SMAD9: variants seen among roughly 807,000 people sequenced by gnomAD.
The protein encoded by SMAD9 is SMAD family member 9, also known as MAD homolog 9.
Under a neutral mutation model 46.1 loss-of-function variants are expected in SMAD9, and 36 were observed. The ratio of observed to expected loss-of-function variants is 0.78; its 90% CI spans 0.60 to 1.03. The LOEUF (loss-of-function observed/expected upper bound fraction) is 1.03, where lower values mean the gene tolerates loss of function less well. Ranked by LOEUF, SMAD9 falls within the 50% of genes least tolerant of loss-of-function variation. The pLI is 0.00. For missense variants in SMAD9, 572 were observed against 599.8 expected (o/e 0.95, Z 0.48); for synonymous variants, 245 against 237.1 (o/e 1.03, Z -0.31).
intron 1 of SMAD9, among the ~76,000 whole-genome samples, chr13:36,891,428 A>G (rs1352666735): frequency 1.3e-5 from 2 of 152,242 alleles, no homozygotes; most frequent in Non-Finnish European, 2.9e-5. Context: ...AGAGTCTTAA[A>G]CATGTAATAA....
intron 5 of SMAD9, among the ~76,000 whole-genome samples, chr13:36,854,140 C>T (rs1300073171): frequency 6.6e-6 from 1 of 151,870 alleles, no homozygotes; most frequent in Non-Finnish European, 1.5e-5. Context: ...GCCTGGGTGA[C>T]AGAGCAAGAT....
intron 1 of SMAD9, among the ~76,000 whole-genome samples, chr13:36,894,721 T>C (rs774570077): frequency 1.3e-5 from 2 of 152,100 alleles, no homozygotes; most frequent in Admixed American, 1.3e-4. Flanking sequence ...TTTGTACTTA[T>C]CATATGTCAC....
At chr13:36,863,867 C>T (rs2058207021) in intron 5 of SMAD9, among the ~76,000 whole-genome samples, 1 of 152,150 alleles carries the variant, frequency 6.6e-6, no homozygotes, top group Non-Finnish European at 1.5e-5. Flanking sequence ...ATAAATTACC[C>T]AGTCTCAGGT....
chr13:36,859,231 C>A (rs74879638), intron 5 of SMAD9, among the ~76,000 whole-genome samples: 1 of 151,988 alleles, frequency 6.6e-6, no homozygotes, highest in Non-Finnish European at 1.5e-5. Context: ...AGAGGCAGAA[C>A]AAAAGGACTA....
chr13:36,851,897 A>G (rs2058077742), intron 6 of SMAD9: 1 of 966,824 alleles, frequency 1.0e-6, no homozygotes, highest in Non-Finnish European at 1.2e-6. Context: ...ATATAAGCTT[A>G]TATTTAATCA....
Position 36,867,376 on chromosome 13 carries a change from T to C in SMAD9, c.678A>G (p.Thr226=). The C allele has an allele frequency of 2.6e-6, 4 of 1,545,732 alleles. No homozygotes were observed. Among genetic ancestry groups the C allele is most frequent in the Non-Finnish European group, 3.5e-6 (4 of 1,144,192 alleles). ...CTGTGGCATGATAAGGCAGGGGTGG[T>C]GTGTCAACTAAAAGAAAGCAGTAGA... ...PESPYQHSVD[T]PPLPYHATEA... The change falls in exon 4 of 7, where the codon ACA becomes ACG. Residue 226 remains threonine (T), a synonymous_variant. Transcript: ENST00000379826.
intron 1 of SMAD9, among the ~76,000 whole-genome samples, chr13:36,885,796 C>A (rs2058440137): frequency 6.6e-6 from 1 of 151,854 alleles, no homozygotes; most frequent in Non-Finnish European, 1.5e-5. Flanking sequence ...TCTAAGGCAA[C>A]AGTCCATAGG....
chr13:36,867,217 G>A, intron 4 of SMAD9, 56 bp downstream of exon 4: 1 of 1,140,282 alleles, frequency 8.8e-7, no homozygotes, highest in Non-Finnish European at 1.3e-6. Context: ...TTGTTTGGGG[G>A]TAATAGGAAA....
In SMAD9 at chr13:36,872,660, G is replaced by C. The variant is rs1163065413; in HGVS notation, c.668C>G (p.Ser223Ter). The C allele has an allele frequency of 5.0e-6, 8 of 1,613,896 alleles. No homozygotes were observed. Among genetic ancestry groups the C allele is most frequent in the Non-Finnish European group, 5.9e-6 (7 of 1,180,034 alleles). ...CACAGACCATAGTTCTTACTGACCT[G>C]AGTGTTGATAGGGACTCTCTGGCTC... ...PSEPESPYQH[S>*]VDTPPLPYHA... Residue 223 changes from serine (S) to a stop codon, truncating the protein, a stop_gained and splice_region_variant, in exon 3 of 7, where the codon TCA (serine) becomes TGA (stop). Transcript: ENST00000379826. LOFTEE classifies it high-confidence loss of function.
At chr13:36,875,053 A>AT (rs1352077752) in intron 2 of SMAD9, among the ~76,000 whole-genome samples, 5 of 151,976 alleles carry the variant, frequency 3.3e-5, no homozygotes, top group Non-Finnish European at 7.4e-5. Flanking sequence ...ATAGAGAGAA[A>AT]TATGAAAGAA....
At chr13:36,871,718 G>A (rs1005712563) in intron 3 of SMAD9, among the ~76,000 whole-genome samples, 1 of 152,150 alleles carries the variant, frequency 6.6e-6, no homozygotes, top group Admixed American at 6.5e-5. Context: ...TATGTAACTT[G>A]CTGAGGAGCA....
intron 6 of SMAD9, among the ~76,000 whole-genome samples, chr13:36,849,179 A>T (rs1388127190): frequency 6.6e-6 from 1 of 152,158 alleles, no homozygotes; most frequent in Admixed American, 6.5e-5. Context: ...CTTGCACAAA[A>T]TGGTTACTGC....
In SMAD9 at chr13:36,865,650, A is replaced by C; in HGVS notation, c.890T>G (p.Leu297Arg). 6.2e-7 allele frequency: 1 copy of C among 1,614,146 alleles called. No individual in the cohort carries two copies. The highest frequency in any genetic ancestry group is 8.5e-7 in the Non-Finnish European group (1 of 1,179,986). ...ETFQASSRSV[L>R]IDGFTDPSNN... is the part of the protein sequence containing the mutation. ...TGAAGGGTCGGTGAACCCATCTATG[A>C]GCACACTTCGGGAGGAAGCCTGGAA... The change falls in exon 5 of 7, where the codon CTC becomes CGC. Residue 297 changes from leucine to arginine, a missense_variant. By Grantham distance (102) the Leu-to-Arg change is moderately radical (BLOSUM62 -2). Coordinates refer to ENST00000379826, the MANE Select transcript of SMAD9 (RefSeq NM_001127217.3).
At chr13:36,879,983 T>A in intron 1 of SMAD9, 108 bp from the exon 2 acceptor site, 1 of 433,924 alleles carries the variant, frequency 2.3e-6, no homozygotes, top group East Asian at 4.5e-5. Context: ...GCTACTCAAG[T>A]GGGTGAATGG....
At chr13:36,855,494 T>C (rs970525544) in intron 5 of SMAD9, among the ~76,000 whole-genome samples, 1 of 152,162 alleles carries the variant, frequency 6.6e-6, no homozygotes. Flanking sequence ...TCTCCAGCAC[T>C]AGAAGTCAAT....
At chr13:36,876,796 A>G (rs546548870) in intron 2 of SMAD9, among the ~76,000 whole-genome samples, 19 of 152,310 alleles carry the variant, frequency 1.2e-4, no homozygotes, top group African/African-American at 4.6e-4. Flanking sequence ...TTTATGATAA[A>G]TAGGAACTCA....
In SMAD9 at chr13:36,920,190, G is replaced by GCA. The variant is rs1566047281; in HGVS notation, c.-262_-261insTG. 3.7e-5 allele frequency: 1 copy of GCA among 27,060 alleles called. No individual in the cohort carries two copies. The highest frequency in any genetic ancestry group is 1.2e-4 in the Non-Finnish European group (1 of 8,584). 1.7% of individuals were successfully genotyped at this position (27,060 alleles called of 1,614,324 possible). A position where few individuals can be genotyped will look rare whatever the true frequency, so the allele number is the denominator to read the frequency against. On this transcript the variant is annotated 5_prime_UTR_variant, in exon 1 of 7. Transcript: ENST00000379826. ...GGACCGAGACAGCGGCTGCAGCAGC[G>GCA]GCGGCGGCGGCGGCGGCGGCGGCGG...
chr13:36,852,362 A>G, intron 6 of SMAD9: 2 of 985,256 alleles, frequency 2.0e-6, no homozygotes, highest in Non-Finnish European at 2.4e-6. Flanking sequence ...ATACTTTGAT[A>G]AGCCCATATT....
intron 5 of SMAD9, among the ~76,000 whole-genome samples, chr13:36,863,413 C>T (rs1454212625): frequency 1.3e-5 from 2 of 152,226 alleles, no homozygotes; most frequent in African/African-American, 4.8e-5. Context: ...CTATTAGGTG[C>T]TCCAGTTTGC....
Sources: allele counts gnomAD v4.1 joint callset (sites outside exome capture counted in the v4.1 genomes callset), GRCh38; gene constraint gnomAD v4.1.1; transcripts MANE v1.5; gene names NCBI Gene and HGNC (gene_info 2026-07-23, HGNC 2026-07-21).